The following PDCD6 variants were observed in gnomAD, a reference collection of about 807,000 sequenced individuals.
PDCD6 encodes programmed cell death 6, also known as programmed cell death protein 6.
Under a neutral mutation model 28.3 loss-of-function variants are expected in PDCD6, and 12 were observed. The ratio of observed to expected loss-of-function variants is 0.42; its 90% confidence interval spans 0.27 to 0.69. The LOEUF (loss-of-function observed/expected upper bound fraction) is 0.69. PDCD6 is among the 30% of genes least tolerant of loss of function. PDCD6 has a pLI of 0.22. For synonymous variants in PDCD6, 92 were observed against 108.0 expected (o/e 0.85, Z 0.92); for missense variants, 226 against 269.9 (o/e 0.84, Z 1.14).
At chr5:294,672 C>G (rs558291740) in intron 2 of PDCD6, among the ~76,000 whole-genome samples, 4 of 152,388 alleles carry the variant, frequency 2.6e-5, no homozygotes, top group Admixed American at 2.6e-4. Flanking sequence ...CTTACCCTGT[C>G]ATCCAGCAAC....
At chr5:276,972 G>GT (rs1738237437) in intron 2 of PDCD6, 2 of 982,270 alleles carry the variant, frequency 2.0e-6, no homozygotes, top group Non-Finnish European at 2.4e-6. Context: ...GGGTGTTTGG[G>GT]GTTTTTTTAA....
At position 276,336 on chromosome 5, in the gene PDCD6, C is replaced by T. The variant is rs887484475; in HGVS notation, c.163+3564C>T. 18 of 1,080,452 alleles carry T rather than the reference C, an allele frequency of 1.7e-5. No homozygotes were observed. The African/African-American group carries it at 2.7e-4, about 16-fold the overall frequency. 66.9% of individuals were successfully genotyped at this position (1,080,452 alleles called of 1,614,324 possible). On this transcript the variant is annotated intron_variant, in intron 2 of 5. Coordinates refer to ENST00000264933, the MANE Select transcript of PDCD6 (RefSeq NM_013232.4). ...TCCTCATCGTGGGGGCTCACGTTTT[C>T]ATAGTTCCCTCTCACTACTAGGTTG...
intron 2 of PDCD6, 35 bp downstream of exon 2, chr5:272,807 A>G: frequency 6.4e-7 from 1 of 1,555,984 alleles, no homozygotes; most frequent in Non-Finnish European, 8.7e-7. Context: ...TCTCCGGACC[A>G]AGAAGCCGCG....
chr5:280,461 A>G (rs1738494391), intron 2 of PDCD6, among the ~76,000 whole-genome samples: 1 of 144,838 alleles, frequency 6.9e-6, no homozygotes, highest in Non-Finnish European at 1.5e-5. Context: ...TGGTGCTGGA[A>G]TTTAAGAGGG....
chr5:310,119 C>T, intron 4 of PDCD6: 1 of 195,920 alleles, frequency 5.1e-6, no homozygotes, highest in Non-Finnish European at 1.1e-5. Flanking sequence ...CTGGGCTCAG[C>T]CCTGGTGCAG....
chr5:299,759 C>T (rs1277980759), intron 2 of PDCD6, among the ~76,000 whole-genome samples: 1 of 152,162 alleles, frequency 6.6e-6, no homozygotes, highest in African/African-American at 2.4e-5. Flanking sequence ...CCATATTAGC[C>T]AGGATGGTCT....
At chr5:312,290 G>A (rs1275500533) in intron 5 of PDCD6, 1 of 152,280 alleles carries the variant, frequency 6.6e-6, no homozygotes, top group African/African-American at 2.4e-5. Flanking sequence ...ACAGACCTCT[G>A]CTGCTGTTTG....
intron 2 of PDCD6, among the ~76,000 whole-genome samples, chr5:295,587 G>T (rs1314505019): frequency 1.4e-5 from 2 of 147,714 alleles, no homozygotes; most frequent in East Asian, 1.9e-4. Context: ...GGGGGCATGG[G>T]CCGGGTGGCC....
intron 2 of PDCD6, among the ~76,000 whole-genome samples, chr5:297,419 G>C (rs567490852): frequency 6.6e-6 from 1 of 152,332 alleles, no homozygotes; most frequent in East Asian, 1.9e-4. Flanking sequence ...CAGCCATGTA[G>C]GCGATAGATT....
At chr5:298,206 C>T (rs1256543682) in intron 2 of PDCD6, among the ~76,000 whole-genome samples, 1 of 152,178 alleles carries the variant, frequency 6.6e-6, no homozygotes, top group Admixed American at 6.5e-5. Flanking sequence ...CCCCACTGTC[C>T]TTCCTGCCTC....
At chr5:290,455 G>A (rs1739249124) in intron 2 of PDCD6, 4 of 617,528 alleles carry the variant, frequency 6.5e-6, no homozygotes, top group Non-Finnish European at 8.8e-6. Flanking sequence ...TGGGTGGGGG[G>A]AACGAAGGGA....
At chr5:313,010 A>T (rs1482746712) in intron 5 of PDCD6, among the ~76,000 whole-genome samples, 2 of 152,240 alleles carry the variant, frequency 1.3e-5, no homozygotes, top group African/African-American at 2.4e-5. Context: ...AGGCGGCCTC[A>T]CAGCGACCTC....
intron 2 of PDCD6, among the ~76,000 whole-genome samples, chr5:284,439 T>C (rs11133958): frequency 1 from 152,136 of 152,204 alleles, 76,034 homozygotes; most frequent in Middle Eastern, 1. Context: ...GCTGGAGATC[T>C]GGCAGGAGCT....
At chr5:304,259 T>C (rs1178596681) in intron 3 of PDCD6, 38 bp downstream of exon 3, 6 of 1,421,842 alleles carry the variant, frequency 4.2e-6, no homozygotes, top group African/African-American at 1.8e-5. Flanking sequence ...GGCTGCTTTG[T>C]ATCCGACCCG....
At chr5:310,472 T>G (rs1740836711) in intron 4 of PDCD6, 1 of 152,318 alleles carries the variant, frequency 6.6e-6, no homozygotes, top group Non-Finnish European at 1.5e-5. Context: ...AGCACCTGGA[T>G]CTTGCCTCCT....
At chr5:297,668 C>T (rs1166269830) in intron 2 of PDCD6, among the ~76,000 whole-genome samples, 1 of 152,182 alleles carries the variant, frequency 6.6e-6, no homozygotes, top group Admixed American at 6.5e-5. Flanking sequence ...ACGAGATCTT[C>T]CCTCTCAGCC....
chr5:301,426 C>T (rs1226428611), intron 2 of PDCD6, among the ~76,000 whole-genome samples: 1 of 152,202 alleles, frequency 6.6e-6, no homozygotes, highest in Non-Finnish European at 1.5e-5. Flanking sequence ...TTTTCTGTAG[C>T]CTATCTTTGC....
At chr5:303,235 T>C (rs1740224638) in intron 2 of PDCD6, among the ~76,000 whole-genome samples, 1 of 151,072 alleles carries the variant, frequency 6.6e-6, no homozygotes, top group South Asian at 2.1e-4. Context: ...GAGCCTGACA[T>C]TGTTCTCTGA....
chr5:305,582 G>A lies in PDCD6; in HGVS notation c.209-1020G>A, dbSNP rs181295127. 1.3e-5 allele frequency: 2 copies of A among 152,316 alleles called. No individual in the cohort carries two copies. The highest frequency in any genetic ancestry group is 4.8e-5 in the African/African-American group (2 of 41,556). The allele number at this position is 152,316 out of a possible 1,614,324, so 9.4% of individuals were successfully genotyped here. A position where few individuals can be genotyped will look rare whatever the true frequency, so the allele number is the denominator to read the frequency against. Reference sequence around the variant, plus strand: ...AATGGCCTGGGAGCCACTCCTCTGCGGAGCCCTTACCCTGGGGTGCAGCTC... The same window carrying A: ...AATGGCCTGGGAGCCACTCCTCTGCAGAGCCCTTACCCTGGGGTGCAGCTC... On this transcript the variant is annotated intron_variant, in intron 3 of 5. Coordinates refer to ENST00000264933, the MANE Select transcript of PDCD6 (RefSeq NM_013232.4). This position sits in a 1 kb window ranked among gnomAD's most constrained non-coding sequence, Gnocchi z 4.0.
Sources: gnomAD v4.1 joint callset for allele counts (sites outside exome capture counted in the v4.1 genomes callset) on GRCh38, gnomAD v4.1.1 for gene constraint, Gnocchi (gnomAD v3.1) non-coding constraint, MANE v1.5 for transcripts, NCBI Gene and HGNC (gene_info 2026-07-23, HGNC 2026-07-21) for gene names.